The following MAGI2 variants were observed in gnomAD, a reference collection of about 807,000 sequenced individuals.
MAGI2 encodes the protein membrane-associated guanylate kinase, WW and PDZ domain-containing protein 2.
A neutral mutation model predicts 133.3 loss-of-function variants in MAGI2; 35 were observed. The ratio of observed to expected loss-of-function variants is 0.26; its 90% confidence interval spans 0.20 to 0.35. The LOEUF (loss-of-function observed/expected upper bound fraction) is 0.35. Among genes scored for constraint, MAGI2 ranks in the 10% least tolerant of loss-of-function variants. The pLI is 1.00. For missense variants in MAGI2, 1,636 were observed against 1,863.4 expected (o/e 0.88, Z 2.25); for synonymous variants, 729 against 710.6 (o/e 1.03, Z -0.41).
chr7:79,444,346 T>C (rs572551205), intron 1 of MAGI2, among the ~76,000 whole-genome samples: 6 of 152,296 alleles, frequency 3.9e-5, no homozygotes, highest in African/African-American at 1.4e-4. Flanking sequence ...ATAAAGAGTA[T>C]TCAATTAGGA....
At chr7:79,129,605 G>A (rs973255870) in intron 1 of MAGI2, among the ~76,000 whole-genome samples, 30 of 152,168 alleles carry the variant, frequency 2.0e-4, no homozygotes, top group African/African-American at 7.0e-4. Context: ...GCTTAGTGGT[G>A]ACAGAAGGCA....
In MAGI2 at chr7:78,660,424, T is replaced by C. The variant is rs559807592; in HGVS notation, c.419-33185A>G. Among the ~76,000 whole-genome samples the C allele has an allele frequency of 2.6e-3, 397 of 152,246 alleles. 1 individual carries two copies. Among genetic ancestry groups the C allele is most frequent in the Middle Eastern group, 0.01 (3 of 294 alleles). On this transcript the variant is annotated intron_variant, in intron 2 of 21. Coordinates refer to ENST00000354212, the MANE Select transcript of MAGI2 (RefSeq NM_012301.4). ...TTGAACTATTTTATAGTGCTTCTCA[T>C]GAAAATATCAACTCGATTCACAGAA...
intron 1 of MAGI2, among the ~76,000 whole-genome samples, chr7:79,430,227 TCTTTA>T (rs1315369911): frequency 6.6e-6 from 1 of 152,184 alleles, no homozygotes; most frequent in Non-Finnish European, 1.5e-5. Flanking sequence ...TTTAGTTATT[TCTTTA>T]CTTTATTGTG....
At chr7:79,399,994 A>AAT in intron 1 of MAGI2, among the ~76,000 whole-genome samples, 1 of 152,210 alleles carries the variant, frequency 6.6e-6, no homozygotes, top group Non-Finnish European at 1.5e-5. Flanking sequence ...AATACAGGAA[A>AAT]ATATATGTGA....
chr7:78,059,558 T>C (rs906875806), intron 21 of MAGI2, among the ~76,000 whole-genome samples: 5 of 152,190 alleles, frequency 3.3e-5, no homozygotes, highest in African/African-American at 1.2e-4. Context: ...CCCTTTGCTC[T>C]CCTCTCTGCC....
intron 1 of MAGI2, among the ~76,000 whole-genome samples, chr7:79,378,057 T>C (rs929428980): frequency 6.6e-6 from 1 of 151,848 alleles, no homozygotes; most frequent in South Asian, 2.1e-4. Flanking sequence ...ACAGATGCTG[T>C]TCCTTCTAAG....
At chr7:79,012,090 G>C (rs1808210992) in intron 1 of MAGI2, 1 of 151,928 alleles carries the variant, frequency 6.6e-6, no homozygotes, top group Non-Finnish European at 1.5e-5. Context: ...CCAGGAAATG[G>C]CTATAGAAGC....
intron 1 of MAGI2, among the ~76,000 whole-genome samples, chr7:79,328,590 C>A (rs1415779001): frequency 6.6e-6 from 1 of 152,156 alleles, no homozygotes; most frequent in African/African-American, 2.4e-5. Context: ...TCCACAGACA[C>A]TGGAGTCATT....
At chr7:79,269,624 G>T (rs1208660422) in intron 1 of MAGI2, among the ~76,000 whole-genome samples, 1 of 152,138 alleles carries the variant, frequency 6.6e-6, no homozygotes, top group Admixed American at 6.5e-5. Flanking sequence ...TATGTATATT[G>T]ATTGTAATGT....
intron 20 of MAGI2, among the ~76,000 whole-genome samples, chr7:78,109,706 C>CT (rs1819165972): frequency 6.6e-6 from 1 of 152,128 alleles, no homozygotes; most frequent in Admixed American, 6.5e-5. Context: ...CTGTTGAAGA[C>CT]TTTTGAGGAA....
intron 1 of MAGI2, among the ~76,000 whole-genome samples, chr7:79,349,407 C>T (rs1158151717): frequency 6.6e-6 from 1 of 151,926 alleles, no homozygotes; most frequent in Non-Finnish European, 1.5e-5. Flanking sequence ...AGGATCTCAC[C>T]TCTTACTTAG....
chr7:79,102,217 C>G (rs2129543309), intron 1 of MAGI2, among the ~76,000 whole-genome samples: 1 of 152,110 alleles, frequency 6.6e-6, no homozygotes, highest in South Asian at 2.1e-4. Flanking sequence ...TGCACGTATG[C>G]CCCAAAATTC....
chr7:78,924,292 T>G (rs1269518478), intron 2 of MAGI2, among the ~76,000 whole-genome samples: 1 of 152,130 alleles, frequency 6.6e-6, no homozygotes, highest in Non-Finnish European at 1.5e-5. Flanking sequence ...AGGGAATGTT[T>G]CCAGTTGTTG....
chr7:78,802,773 C>A (rs2151388735), intron 2 of MAGI2, among the ~76,000 whole-genome samples: 1 of 152,036 alleles, frequency 6.6e-6, no homozygotes. Flanking sequence ...ACCTGGGTGT[C>A]TTGTAGGTTC....
chr7:79,077,490 G>C (rs1326595451), intron 1 of MAGI2, among the ~76,000 whole-genome samples: 1 of 148,926 alleles, frequency 6.7e-6, no homozygotes, highest in East Asian at 2.0e-4. Flanking sequence ...CAGGAGAATG[G>C]TGTGAACCTG....
chr7:78,997,003 A>G (rs1369529086), intron 2 of MAGI2, among the ~76,000 whole-genome samples: 1 of 152,184 alleles, frequency 6.6e-6, no homozygotes, highest in Non-Finnish European at 1.5e-5. Flanking sequence ...AAAAAATGAC[A>G]AGGTAAATCA....
At chr7:79,136,022 A>G (rs1821439877) in intron 1 of MAGI2, among the ~76,000 whole-genome samples, 1 of 130,628 alleles carries the variant, frequency 7.7e-6, no homozygotes, top group East Asian at 2.3e-4. Context: ...AGAAAGAAAG[A>G]AAGAAGGAAA....
At chr7:78,573,793 T>C (rs141553687) in intron 3 of MAGI2, among the ~76,000 whole-genome samples, 4 of 152,178 alleles carry the variant, frequency 2.6e-5, no homozygotes, top group Admixed American at 6.5e-5. Flanking sequence ...GTTGGGTTTT[T>C]ATTGGAGGGT....
intron 9 of MAGI2, among the ~76,000 whole-genome samples, chr7:78,265,000 C>A (rs1793858491): frequency 6.6e-6 from 1 of 152,212 alleles, no homozygotes; most frequent in East Asian, 1.9e-4. Context: ...CCACTTATTT[C>A]TCAAAAGAAT....
Sources: gnomAD v4.1 joint callset for allele counts (sites outside exome capture counted in the v4.1 genomes callset) on GRCh38, gnomAD v4.1.1 for gene constraint, MANE v1.5 for transcripts, NCBI Gene and HGNC (gene_info 2026-07-23, HGNC 2026-07-21) for gene names.